Variants in CPA6 observed in about 807,000 individuals in gnomAD.
CPA6 encodes the protein carboxypeptidase A6.
In CPA6, 58 loss-of-function variants were observed where a neutral mutation model predicts 63.3. The observed-to-expected ratio is 0.92, with a 90% confidence interval of 0.74 to 1.14. CPA6 has a LOEUF of 1.14. CPA6 is among the 50% of genes most tolerant of loss of function. CPA6 has a pLI of 0.00. For synonymous variants in CPA6, 185 were observed against 179.0 expected, an observed-to-expected ratio of 1.03 and a Z score of -0.27; for missense variants, 565 against 526.6, an observed-to-expected ratio of 1.07 and a Z score of -0.71.
chr8:67,706,147 G>A (rs1036512810), intron 1 of CPA6, among the ~76,000 whole-genome samples: 7 of 152,122 alleles, frequency 4.6e-5, no homozygotes, highest in South Asian at 2.1e-4. Context: ...CAATTTTAAA[G>A]GTTATTAGGC....
chr8:67,448,115 T>C (rs923441267), intron 8 of CPA6, among the ~76,000 whole-genome samples: 3 of 152,220 alleles, frequency 2.0e-5, no homozygotes, highest in Non-Finnish European at 4.4e-5. Flanking sequence ...AGTGTGCTTG[T>C]GTTCATACTT....
At chr8:67,603,728 T>A (rs1205726371) in intron 2 of CPA6, among the ~76,000 whole-genome samples, 1 of 152,212 alleles carries the variant, frequency 6.6e-6, no homozygotes, top group Non-Finnish European at 1.5e-5. Flanking sequence ...CCCATCTACC[T>A]TCCTTTTGAG....
intron 1 of CPA6, among the ~76,000 whole-genome samples, chr8:67,637,024 A>C (rs1815483040): frequency 6.6e-6 from 1 of 151,650 alleles, no homozygotes; most frequent in African/African-American, 2.4e-5. Context: ...AACATGAAGA[A>C]TCTCCCTGTG....
chr8:67,506,931 A>G, intron 5 of CPA6, 43 bp from the exon 6 acceptor site: 1 of 1,312,588 alleles, frequency 7.6e-7, no homozygotes, highest in Non-Finnish European at 1.1e-6. Context: ...AGGCTTTTAG[A>G]TTCACTGACC....
intron 2 of CPA6, among the ~76,000 whole-genome samples, chr8:67,531,234 G>A (rs1402092820): frequency 6.6e-6 from 1 of 151,988 alleles, no homozygotes; most frequent in East Asian, 1.9e-4. Flanking sequence ...AAGGTATCTA[G>A]AAAGCAGAAA....
intron 1 of CPA6, among the ~76,000 whole-genome samples, chr8:67,733,846 CTTTTTTTTTTT>C (rs10696053): frequency 2.1e-5 from 2 of 94,932 alleles, no homozygotes; most frequent in South Asian, 4.4e-4. Flanking sequence ...GCTGCATCGT[CTTTTTTTTTTT>C]TTTTTTTTTT....
At chr8:67,502,796 T>C (rs73264769) in intron 6 of CPA6, among the ~76,000 whole-genome samples, 12,268 of 152,232 alleles carry the variant, frequency 0.081, 1,210 homozygotes, top group African/African-American at 0.23. Flanking sequence ...CCTGTTATTC[T>C]TCTGCTATCA....
chr8:67,475,947 TG>T (rs1231862419), intron 8 of CPA6, among the ~76,000 whole-genome samples: 12 of 142,326 alleles, frequency 8.4e-5, no homozygotes, highest in African/African-American at 3.0e-4. Context: ...TTTCTTTCTC[TG>T]TCTTTCTTTC....
chr8:67,562,662 G>C (rs1813242015), intron 2 of CPA6, among the ~76,000 whole-genome samples: 1 of 152,128 alleles, frequency 6.6e-6, no homozygotes, highest in South Asian at 2.1e-4. Context: ...GAGTCCTCAT[G>C]AATTGGATTA....
At chr8:67,685,516 G>A (rs1034046761) in intron 1 of CPA6, among the ~76,000 whole-genome samples, 1 of 152,236 alleles carries the variant, frequency 6.6e-6, no homozygotes, top group Non-Finnish European at 1.5e-5. Flanking sequence ...CTACTAGGGA[G>A]GCTGGGGCAG....
intron 1 of CPA6, among the ~76,000 whole-genome samples, chr8:67,656,598 T>C (rs988362465): frequency 2.6e-5 from 4 of 152,224 alleles, no homozygotes; most frequent in South Asian, 2.1e-4. Flanking sequence ...ATGTCATCAA[T>C]GTAGGGTTCA....
intron 2 of CPA6, among the ~76,000 whole-genome samples, chr8:67,590,134 G>A (rs1187056914): frequency 2.0e-5 from 3 of 151,876 alleles, no homozygotes; most frequent in Non-Finnish European, 4.4e-5. Context: ...GTGAGAACAT[G>A]TGGTGTTTGG....
intron 2 of CPA6, among the ~76,000 whole-genome samples, chr8:67,521,811 A>G (rs1812263492): frequency 6.6e-6 from 1 of 152,180 alleles, no homozygotes; most frequent in African/African-American, 2.4e-5. Context: ...AAGCCACTAT[A>G]GTGGTGATGA....
At chr8:67,598,955 C>A (rs1814418098) in intron 2 of CPA6, among the ~76,000 whole-genome samples, 1 of 151,530 alleles carries the variant, frequency 6.6e-6, no homozygotes. Context: ...ATTTAAAAAC[C>A]AGATTTGAGC....
At chr8:67,658,623 C>T (rs556591580) in intron 1 of CPA6, among the ~76,000 whole-genome samples, 1 of 152,316 alleles carries the variant, frequency 6.6e-6, no homozygotes, top group African/African-American at 2.4e-5. Flanking sequence ...TTCCTGCTCA[C>T]ATATTCAACT....
intron 8 of CPA6, among the ~76,000 whole-genome samples, chr8:67,445,187 G>A (rs547537987): frequency 6.6e-6 from 1 of 152,174 alleles, no homozygotes; most frequent in African/African-American, 2.4e-5. Context: ...ATAAAATGAT[G>A]GCTAGAGGTA....
At chr8:67,634,298 C>T (rs991574918) in intron 1 of CPA6, among the ~76,000 whole-genome samples, 5 of 150,064 alleles carry the variant, frequency 3.3e-5, no homozygotes, top group African/African-American at 1.3e-4. Flanking sequence ...CGGCTCACTA[C>T]AAGCTCCGCC....
At chr8:67,474,937 T>G (rs757610410) in intron 8 of CPA6, among the ~76,000 whole-genome samples, 1 of 152,162 alleles carries the variant, frequency 6.6e-6, no homozygotes, top group Non-Finnish European at 1.5e-5. Flanking sequence ...GAGACTGCAG[T>G]GAGCCATGAT....
At chr8:67,640,078 G>A (rs1247667486) in intron 1 of CPA6, among the ~76,000 whole-genome samples, 1 of 151,284 alleles carries the variant, frequency 6.6e-6, no homozygotes, top group Non-Finnish European at 1.5e-5. Flanking sequence ...CCTCAGAGGG[G>A]AGGAAGTATG....
Sources: allele counts gnomAD v4.1 joint callset (sites outside exome capture counted in the v4.1 genomes callset), GRCh38; gene constraint gnomAD v4.1.1; transcripts MANE v1.5; gene names NCBI Gene and HGNC (gene_info 2026-07-23, HGNC 2026-07-21).